The following EIPR1 variants were observed in gnomAD, a reference collection of about 807,000 sequenced individuals.
The protein encoded by EIPR1 is EARP and GARP complex-interacting protein 1.
Under a neutral mutation model 48.1 loss-of-function variants are expected in EIPR1, and 25 were observed. The ratio of observed to expected loss-of-function variants is 0.52; its 90% CI spans 0.38 to 0.73. The LOEUF is 0.73. Ranked by LOEUF, EIPR1 falls within the 30% of genes least tolerant of loss-of-function variation. EIPR1 has a pLI of 0.00. For missense variants in EIPR1, 415 were observed against 506.2 expected, an observed-to-expected ratio of 0.82 and a Z score of 1.73; for synonymous variants, 204 against 201.9, an observed-to-expected ratio of 1.01 and a Z score of -0.09.
chr2:3,328,936 ACGC>A (rs1669791745), intron 3 of EIPR1, among the ~76,000 whole-genome samples: 1 of 129,868 alleles, frequency 7.7e-6, no homozygotes, highest in Non-Finnish European at 1.6e-5. Context: ...CCCACCTACC[ACGC>A]TCTAATGATC....
At chr2:3,212,864 T>C (rs984369194) in intron 5 of EIPR1, among the ~76,000 whole-genome samples, 4 of 152,230 alleles carry the variant, frequency 2.6e-5, no homozygotes, top group African/African-American at 7.2e-5. Flanking sequence ...TTAAACACCA[T>C]TGATGCTCTG....
chr2:3,192,355 G>A, intron 8 of EIPR1, 59 bp downstream of exon 8: 1 of 1,498,286 alleles, frequency 6.7e-7, no homozygotes, highest in Admixed American at 2.4e-5. Flanking sequence ...CTCGGGAGAT[G>A]GCTGTGCAGA....
chr2:3,337,111 T>TGGGAAAAGGGAAAAGGGAA (rs1670089004), intron 3 of EIPR1, among the ~76,000 whole-genome samples: 2 of 86,072 alleles, frequency 2.3e-5, no homozygotes, highest in East Asian at 8.0e-4. Context: ...GGGAAAGAGA[T>TGGGAAAAGGGAAAAGGGAA]GGGAAAAGGG....
chr2:3,214,712 T>A (rs188331250), intron 4 of EIPR1, among the ~76,000 whole-genome samples: 2 of 152,286 alleles, frequency 1.3e-5, no homozygotes, highest in East Asian at 3.9e-4. Context: ...GAATATCTCA[T>A]GTAACGTATT....
chr2:3,220,512 G>A (rs577133280), intron 4 of EIPR1, among the ~76,000 whole-genome samples: 1 of 152,136 alleles, frequency 6.6e-6, no homozygotes, highest in African/African-American at 2.4e-5. Context: ...AGCATTTATA[G>A]AGTCAGGTGC....
At chr2:3,233,250 T>C (rs1259568774) in intron 4 of EIPR1, among the ~76,000 whole-genome samples, 2 of 152,196 alleles carry the variant, frequency 1.3e-5, no homozygotes, top group East Asian at 3.9e-4. Context: ...TAACTTTCCA[T>C]ATCAAATAGA....
At chr2:3,320,900 C>T (rs939212419) in intron 3 of EIPR1, among the ~76,000 whole-genome samples, 1 of 152,168 alleles carries the variant, frequency 6.6e-6, no homozygotes, top group Admixed American at 6.5e-5. Context: ...GGTCACCTGA[C>T]TCTGTTTTTG....
chr2:3,370,934 T>C (rs1269597329), intron 1 of EIPR1, among the ~76,000 whole-genome samples: 1 of 152,044 alleles, frequency 6.6e-6, no homozygotes, highest in East Asian at 1.9e-4. Flanking sequence ...GACACATAAT[T>C]GTCAGATTCA....
intron 1 of EIPR1, among the ~76,000 whole-genome samples, chr2:3,372,711 T>C (rs1481676119): frequency 3.9e-5 from 6 of 152,184 alleles, no homozygotes; most frequent in Non-Finnish European, 7.4e-5. Context: ...AGACCAATAA[T>C]AGGATCTGAA....
chr2:3,230,730 A>G (rs1301123685), intron 4 of EIPR1, among the ~76,000 whole-genome samples: 2 of 152,130 alleles, frequency 1.3e-5, no homozygotes, highest in Non-Finnish European at 2.9e-5. Context: ...TTGTAATTTC[A>G]TATTATCCTG....
intron 3 of EIPR1, among the ~76,000 whole-genome samples, chr2:3,299,180 T>C (rs1203802648): frequency 6.6e-6 from 1 of 152,232 alleles, no homozygotes; most frequent in Non-Finnish European, 1.5e-5. Flanking sequence ...TAGCTGTTGC[T>C]GAGAATGTCG....
At chr2:3,242,135 T>C (rs1558245729) in intron 4 of EIPR1, among the ~76,000 whole-genome samples, 1 of 151,178 alleles carries the variant, frequency 6.6e-6, no homozygotes, top group African/African-American at 2.4e-5. Flanking sequence ...CACCCACTGA[T>C]GGCTGGAAGA....
chr2:3,198,475 T>C (rs1664887116), intron 5 of EIPR1, among the ~76,000 whole-genome samples: 1 of 152,218 alleles, frequency 6.6e-6, no homozygotes, highest in African/African-American at 2.4e-5. Flanking sequence ...AAGCCTGCTC[T>C]GATGCTTAGG....
At chr2:3,377,599 C>T in intron 1 of EIPR1, 49 bp downstream of exon 1, 2 of 1,553,818 alleles carry the variant, frequency 1.3e-6, no homozygotes, top group East Asian at 2.4e-5. Flanking sequence ...ACCGCGCATG[C>T]TATCAACAGC....
At chr2:3,193,221 C>G (rs1187403177) in intron 7 of EIPR1, among the ~76,000 whole-genome samples, 2 of 152,362 alleles carry the variant, frequency 1.3e-5, no homozygotes, top group South Asian at 4.1e-4. Flanking sequence ...GAAATTCCAG[C>G]AAGTCACTGA....
chr2:3,254,987 C>T (rs975169282), intron 4 of EIPR1, among the ~76,000 whole-genome samples: 1 of 152,120 alleles, frequency 6.6e-6, no homozygotes, highest in African/African-American at 2.4e-5. Flanking sequence ...CTCTCTGTTA[C>T]TCCTATAACT....
rs1036268200 is a variant in EIPR1, at chr2:3,274,513, G to T, written c.260-17058C>A. ...AATCAAGCCATGAGACCCTACTTGG[G>T]GTATAAATAAAATATTTTTAAAACC... On this transcript the variant is annotated intron_variant, in intron 3 of 8. Coordinates refer to ENST00000382125, the MANE Select transcript of EIPR1 (RefSeq NM_003310.5). The T allele has an allele frequency of 2.9e-6, 4 of 1,399,566 alleles. No individual in the cohort carries two copies. The African/African-American group carries it at 5.9e-5, about 21-fold the overall frequency. The allele number at this position is 1,399,566 out of a possible 1,614,324, so 86.7% of individuals were successfully genotyped here. A position where few individuals can be genotyped will look rare whatever the true frequency, so the allele number is the denominator to read the frequency against.
At chr2:3,264,758 G>A (rs991959201) in intron 3 of EIPR1, among the ~76,000 whole-genome samples, 2 of 152,170 alleles carry the variant, frequency 1.3e-5, no homozygotes, top group Admixed American at 6.5e-5. Flanking sequence ...GACCATCTCG[G>A]CTCACTGCAA....
At chr2:3,247,406 C>A (rs1018977268) in intron 4 of EIPR1, among the ~76,000 whole-genome samples, 1 of 152,196 alleles carries the variant, frequency 6.6e-6, no homozygotes, top group African/African-American at 2.4e-5. Flanking sequence ...TAAAATTACC[C>A]TGTTGTGGCT....
Sources: allele counts gnomAD v4.1 joint callset (sites outside exome capture counted in the v4.1 genomes callset), GRCh38; gene constraint gnomAD v4.1.1; transcripts MANE v1.5; gene names NCBI Gene and HGNC (gene_info 2026-07-23, HGNC 2026-07-21).